Variants in ARHGEF18 observed in about 807,000 individuals in gnomAD.
The protein encoded by ARHGEF18 is Rho/Rac guanine nucleotide exchange factor 18, also known as rho guanine nucleotide exchange factor 18.
In ARHGEF18, 93 loss-of-function variants were observed where a neutral mutation model predicts 155.7. That is an observed-to-expected ratio of 0.60 (90% confidence interval 0.50 to 0.71). The LOEUF (loss-of-function observed/expected upper bound fraction) is 0.71, where lower values mean the gene tolerates loss of function less well. Among genes scored for constraint, ARHGEF18 ranks in the 30% least tolerant of loss-of-function variants. ARHGEF18 has a pLI of 0.00. For synonymous variants in ARHGEF18, 742 were observed against 753.1 expected (o/e 0.99, Z 0.24); for missense variants, 1,593 against 1,816.1 (o/e 0.88, Z 2.23).
chr19:7,362,077 GAGA>G (rs1969612241), intron 1 of ARHGEF18, among the ~76,000 whole-genome samples: 1 of 38,440 alleles, frequency 2.6e-5, no homozygotes, highest in African/African-American at 2.2e-4. Flanking sequence ...GAAGGAGAAG[GAGA>G]AGGAGAAGGA....
chr19:7,457,881 G>T (rs75955641), intron 18 of ARHGEF18, among the ~76,000 whole-genome samples: 16 of 152,030 alleles, frequency 1.1e-4, no homozygotes, highest in Non-Finnish European at 2.4e-4. Context: ...AGACAGAGAT[G>T]GGTTTATCTG....
At chr19:7,378,988 C>T (rs572519516) in intron 6 of ARHGEF18, 134 bp from the exon 7 acceptor site, 11 of 722,422 alleles carry the variant, frequency 1.5e-5, no homozygotes, top group African/African-American at 9.3e-5. Context: ...CCACTGTGCC[C>T]GGCTGACTGT....
intron 27 of ARHGEF18, 57 bp from the exon 28 acceptor site, chr19:7,469,847 G>A (rs1299810083): frequency 6.3e-7 from 1 of 1,588,964 alleles, no homozygotes; most frequent in African/African-American, 1.4e-5. Context: ...AGGCTGCCCT[G>A]GCGGGTGGGG....
chr19:7,366,508 C>A (rs1969892291), intron 2 of ARHGEF18, among the ~76,000 whole-genome samples: 1 of 152,228 alleles, frequency 6.6e-6, no homozygotes, highest in Non-Finnish European at 1.5e-5. Context: ...AGTCCTCAGA[C>A]CTTCACTTGC....
chr19:7,460,901 C>T (rs940189062), intron 20 of ARHGEF18, among the ~76,000 whole-genome samples: 1 of 151,746 alleles, frequency 6.6e-6, no homozygotes, highest in Admixed American at 6.6e-5. Flanking sequence ...AGATTCTCCT[C>T]CCTCAGCCTC....
At chr19:7,397,841 T>C (rs1026091432) in intron 10 of ARHGEF18, among the ~76,000 whole-genome samples, 1 of 152,106 alleles carries the variant, frequency 6.6e-6, no homozygotes, top group African/African-American at 2.4e-5. Context: ...AGTGCTAGGA[T>C]TACAGGCGTG....
At chr19:7,478,468 G>T in the ARHGEF18 span, 3 of 1,352,572 alleles carry the variant, frequency 2.2e-6, no homozygotes, top group African/African-American at 2.9e-5. Flanking sequence ...TCTGGGACAG[G>T]TGCTGCATCT....
intron 2 of ARHGEF18, among the ~76,000 whole-genome samples, chr19:7,363,482 G>A (rs1969719234): frequency 6.6e-6 from 1 of 151,154 alleles, no homozygotes. Flanking sequence ...AGGAAGGAGA[G>A]ATGGTTGATG....
At chr19:7,368,712 C>T (rs1473492475) in intron 2 of ARHGEF18, among the ~76,000 whole-genome samples, 2 of 152,022 alleles carry the variant, frequency 1.3e-5, no homozygotes, top group Non-Finnish European at 2.9e-5. Context: ...ACCAGAGACA[C>T]AAAAAAACCT....
Position 7,470,737 on chromosome 19 carries a change from C to T in ARHGEF18, c.*439C>T, listed in dbSNP as rs1287588962. ...GCCGGCCGGGGCCACGCTCCACAGCCGCCGCGCGACAGTGGAGCCAAGGGT... is the reference window on the plus strand; with the variant it reads ...GCCGGCCGGGGCCACGCTCCACAGCTGCCGCGCGACAGTGGAGCCAAGGGT... On this transcript the variant is annotated 3_prime_UTR_variant, in exon 29 of 29. Coordinates refer to ENST00000668164, the MANE Select transcript of ARHGEF18 (RefSeq NM_001367823.1). This position sits in a 1 kb window ranked among gnomAD's most constrained non-coding sequence, Gnocchi z 5.9. 2.0e-5 allele frequency: 8 copies of T among 400,738 alleles called. No individual in the cohort carries two copies. The highest frequency in any genetic ancestry group is 1.2e-4 in the African/African-American group (6 of 48,672). The allele number at this position is 400,738 out of a possible 1,614,324, so 24.8% of individuals were successfully genotyped here.
chr19:7,447,674 T>G (rs1975082944), intron 15 of ARHGEF18, among the ~76,000 whole-genome samples: 1 of 152,150 alleles, frequency 6.6e-6, no homozygotes, highest in African/African-American at 2.4e-5. Context: ...AACACGTCAG[T>G]GAAATCTTAC....
rs1974579553 is a variant in ARHGEF18 at position 7,440,597 on chromosome 19, C to T, written c.1106+115C>T. On this transcript the variant is annotated intron_variant, in intron 11 of 28. Coordinates refer to ENST00000668164, the MANE Select transcript of ARHGEF18 (RefSeq NM_001367823.1). The surrounding 1 kb of genome is among the most constrained non-coding windows in gnomAD (Gnocchi z 5.4). ...AGATCTGTGTGAATCCACACGGCAG[C>T]CCCCGTGCTAAGCAGAGAAATTCCC... 2.3e-6 allele frequency: 3 copies of T among 1,300,760 alleles called. No individual in the cohort carries two copies. In the East Asian group the frequency reaches 7.4e-5, roughly 32 times the overall value. The allele number at this position is 1,300,760 out of a possible 1,614,324, so 80.6% of individuals were successfully genotyped here. A position where few individuals can be genotyped will look rare whatever the true frequency, so the allele number is the denominator to read the frequency against.
Position 7,467,299 on chromosome 19 carries a change from C to T in ARHGEF18, c.3095C>T (p.Thr1032Met). 6.5e-7 allele frequency: 1 copy of T among 1,542,930 alleles called. No individual in the cohort carries two copies. Among genetic ancestry groups the T allele is most frequent in the Non-Finnish European group, 8.7e-7 (1 of 1,148,042 alleles). Residue 1032 changes from threonine (T) to methionine (M), a missense_variant, in exon 26 of 29, where the codon ACG becomes ATG. By Grantham distance (81) the Thr-to-Met change is moderately conservative. Coordinates refer to ENST00000668164, the MANE Select transcript of ARHGEF18 (RefSeq NM_001367823.1). The stretch of plus-strand genomic sequence containing the variant: ...GAGAAGCAGTTCCGGCTGCAGTCGA[C>T]GCGTGGGAACCTGCTGCTGGAGCAG... Reference protein sequence around the residue: ...EREKQFRLQSTRGNLLLEQER... With the variant: ...EREKQFRLQSMRGNLLLEQER...
At chr19:7,361,710 T>C (rs770992303) in intron 1 of ARHGEF18, among the ~76,000 whole-genome samples, 32 of 151,872 alleles carry the variant, frequency 2.1e-4, no homozygotes, top group Non-Finnish European at 3.8e-4. Flanking sequence ...AATAAAGCAC[T>C]GGCCGGGCAC....
At chr19:7,399,702 G>C (rs191208382) in intron 10 of ARHGEF18, among the ~76,000 whole-genome samples, 2 of 151,186 alleles carry the variant, frequency 1.3e-5, no homozygotes, top group Admixed American at 1.3e-4. Flanking sequence ...GGATGGTCTC[G>C]ATTTCCTGAC....
In ARHGEF18 at chr19:7,462,988, C is replaced by T. The variant is rs752455851; in HGVS notation, c.2635+654C>T. Among the ~76,000 whole-genome samples, 1 of 151,672 alleles carries T rather than the reference C, an allele frequency of 6.6e-6. No individual in the cohort carries two copies. Among genetic ancestry groups the T allele is most frequent in the Non-Finnish European group, 1.5e-5 (1 of 67,980 alleles). On this transcript the variant is annotated intron_variant, in intron 21 of 28. Coordinates refer to ENST00000668164, the MANE Select transcript of ARHGEF18 (RefSeq NM_001367823.1). This position sits in a 1 kb window ranked among gnomAD's most constrained non-coding sequence, Gnocchi z 4.4. Reference sequence around the variant, plus strand: ...AGCTGGGATTACAGGCACCCACCACCACGCCCAGCTAATTTTTGTATTTTT... The same window carrying T: ...AGCTGGGATTACAGGCACCCACCACTACGCCCAGCTAATTTTTGTATTTTT...
At chr19:7,375,290 A>AAAAG (rs1184646689) in intron 3 of ARHGEF18, among the ~76,000 whole-genome samples, 3 of 85,746 alleles carry the variant, frequency 3.5e-5, no homozygotes, top group Non-Finnish European at 5.9e-5. Flanking sequence ...AAAAAGAAAG[A>AAAAG]AAAGAAAGAA....
intron 2 of ARHGEF18, among the ~76,000 whole-genome samples, chr19:7,365,285 C>T (rs954844397): frequency 8.6e-5 from 13 of 152,020 alleles, no homozygotes; most frequent in African/African-American, 3.1e-4. Context: ...AAATTAGCTG[C>T]GCATGGAGGT....
chr19:7,376,700 G>T lies in ARHGEF18; in HGVS notation c.484G>T (p.Glu162Ter). The T allele has an allele frequency of 8.1e-7, 1 of 1,234,478 alleles. No individual in the cohort carries two copies. Among genetic ancestry groups the T allele is most frequent in the Non-Finnish European group, 1.0e-6 (1 of 988,246 alleles). 76.5% of individuals were successfully genotyped at this position (1,234,478 alleles called of 1,614,324 possible). A position where few individuals can be genotyped will look rare whatever the true frequency, so the allele number is the denominator to read the frequency against. The change falls in exon 5 of 29, where the codon GAG becomes TAG. Residue 162 changes from glutamate (E) to a stop codon, truncating the protein, a stop_gained. Transcript: ENST00000668164. LOFTEE classifies it high-confidence loss of function. The stretch of plus-strand genomic sequence containing the variant: ...AAGGTCCGTTCCTGTGTCCTTCTAT[G>T]AGATCCGCTCTCCGGAAATCTCTCC... ...RSRSVPVSFY[E>*]IRSPEISPGL...
Sources: allele counts gnomAD v4.1 joint callset (sites outside exome capture counted in the v4.1 genomes callset), GRCh38; gene constraint gnomAD v4.1.1; non-coding constraint Gnocchi (gnomAD v3.1); transcripts MANE v1.5; gene names NCBI Gene and HGNC (gene_info 2026-07-23, HGNC 2026-07-21).